Variants in MRPL19 observed in about 807,000 individuals in gnomAD.
MRPL19 encodes mitochondrial ribosomal protein L19.
In MRPL19, 31 loss-of-function variants were observed where a neutral mutation model predicts 34.0. The ratio of observed to expected loss-of-function variants is 0.91; its 90% CI spans 0.68 to 1.23. The LOEUF is 1.23. Ranked by LOEUF, MRPL19 falls within the 50% of genes most tolerant of loss-of-function variation. The pLI is 0.00. For synonymous variants in MRPL19, 152 were observed against 127.7 expected (o/e 1.19, Z -1.28); for missense variants, 384 against 367.6 (o/e 1.04, Z -0.37).
chr2:75,654,905 T>G lies in MRPL19; in HGVS notation c.645T>G (p.Val215=). 1.2e-6 allele frequency: 2 copies of G among 1,613,144 alleles called. No individual in the cohort carries two copies. The highest frequency in any genetic ancestry group is 2.2e-5 in the South Asian group (2 of 90,960). ...KPVVQEPNQK[V]PVNELKVKMK... is the part of the protein sequence containing the mutation. ...TAGTACAAGAGCCTAACCAAAAAGTTCCTGTTAATGAGGTATGGGTTATAC... is the reference window on the plus strand; with the variant it reads ...TAGTACAAGAGCCTAACCAAAAAGTGCCTGTTAATGAGGTATGGGTTATAC... Residue 215 remains valine, a synonymous_variant, in exon 5 of 6, where the codon GTT becomes GTG. Coordinates refer to ENST00000393909, the MANE Select transcript of MRPL19 (RefSeq NM_014763.4).
At chr2:75,654,522 T>C (rs1481816023) in intron 4 of MRPL19, among the ~76,000 whole-genome samples, 2 of 151,832 alleles carry the variant, frequency 1.3e-5, no homozygotes. Flanking sequence ...TAGACTATCA[T>C]TCCAATTCAG....
intron 2 of MRPL19, chr2:75,647,557 A>G (rs1229324729): frequency 9.5e-6 from 2 of 210,484 alleles, no homozygotes; most frequent in Admixed American, 1.1e-4. Context: ...TTTTCTCTCA[A>G]AAGACCCTTA....
At chr2:75,647,735 A>G (rs1166970620) in intron 2 of MRPL19, 1 of 152,514 alleles carries the variant, frequency 6.6e-6, no homozygotes, top group African/African-American at 2.4e-5. Flanking sequence ...TTGGAGGTAC[A>G]TGTAAATTTA....
In MRPL19 at chr2:75,652,094, A is replaced by G. The variant is rs775429900; in HGVS notation, c.222-48A>G. ...TTTGAAAAGCAACAATTTTTCTTCT[A>G]GCAGCCTTTTGAGTTTACTTTTAAT... On this transcript the variant is annotated intron_variant, in intron 2 of 5. Transcript: ENST00000393909. The G allele has an allele frequency of 2.7e-6, 3 of 1,129,476 alleles. No homozygotes were observed. In the South Asian group the frequency reaches 5.0e-5, roughly 19 times the overall value. 70.0% of individuals were successfully genotyped at this position (1,129,476 alleles called of 1,614,324 possible).
In MRPL19 at chr2:75,661,955, G is replaced by C. The variant is rs924286748; in HGVS notation, c.*6670G>C. The C allele has an allele frequency of 2.6e-5, 4 of 152,170 alleles. No individual in the cohort carries two copies. Among genetic ancestry groups the C allele is most frequent in the Non-Finnish European group, 4.4e-5 (3 of 68,030 alleles). The allele number at this position is 152,170 out of a possible 1,614,324, so 9.4% of individuals were successfully genotyped here. A position where few individuals can be genotyped will look rare whatever the true frequency, so the allele number is the denominator to read the frequency against. On this transcript the variant is annotated 3_prime_UTR_variant, in exon 6 of 6. Transcript: ENST00000393909. The stretch of plus-strand genomic sequence containing the variant: ...TATTTCACCATTATATATGATGTTA[G>C]GTATAGATTTTTCTCACAGATGCCT...
Position 75,655,863 on chromosome 2 carries a change from T to G in MRPL19, c.*578T>G, listed in dbSNP as rs1235927183. The G allele has an allele frequency of 7.3e-6, 1 of 137,360 alleles. No individual in the cohort carries two copies. Among genetic ancestry groups the G allele is most frequent in the African/African-American group, 3.0e-5 (1 of 33,106 alleles). 8.5% of individuals were successfully genotyped at this position (137,360 alleles called of 1,614,324 possible). On this transcript the variant is annotated 3_prime_UTR_variant, in exon 6 of 6. Transcript: ENST00000393909. ...AACACATATATTCTTCAACAATATA[T>G]TTAATTTTGAAAAACCTGAAAAAAA...
chr2:75,658,078 T>C lies in MRPL19; in HGVS notation c.*2793T>C, dbSNP rs528418016. Among the ~76,000 whole-genome samples, 4 of 152,180 alleles carry C rather than the reference T, an allele frequency of 2.6e-5. No homozygotes were observed. In the South Asian group the frequency reaches 8.3e-4, roughly 32 times the overall value. On this transcript the variant is annotated 3_prime_UTR_variant, in exon 6 of 6. Transcript: ENST00000393909. ...TCCCAACCCCAGGTAACCTCAAATC[T>C]TTCTTTTTATCTTTGAGACAAGGTC...
rs1026715782 is a variant in MRPL19 at position 75,647,239 on chromosome 2, C to G, written c.221+20C>G. 8 of 1,561,626 alleles carry G rather than the reference C, an allele frequency of 5.1e-6. No homozygotes were observed. The African/African-American group carries it at 9.5e-5, about 19-fold the overall frequency. ...ACGCAGGTGAGGCACTGCCCTGGCG[C>G]TAGGCCGGCAACTGGGGTCGGTGCG... On this transcript the variant is annotated intron_variant, in intron 2 of 5. Transcript: ENST00000393909.
At chr2:75,647,842 G>C (rs1338536486) in intron 2 of MRPL19, 2 of 151,790 alleles carry the variant, frequency 1.3e-5, no homozygotes, top group East Asian at 3.9e-4. Flanking sequence ...TTTTTGAAAG[G>C]GCTGTAGATT....
rs1018794311 is a variant in MRPL19 at position 75,659,993 on chromosome 2, T to G, written c.*4708T>G. On this transcript the variant is annotated 3_prime_UTR_variant, in exon 6 of 6. Coordinates refer to ENST00000393909, the MANE Select transcript of MRPL19 (RefSeq NM_014763.4). ...TCTTTTCCTTCTGAAATATTCTTAA[T>G]GTATATGTTGGTCTGTTTGATGCTG... Among the ~76,000 whole-genome samples, 2 of 152,162 alleles carry G rather than the reference T, an allele frequency of 1.3e-5. No homozygotes were observed. Among genetic ancestry groups the G allele is most frequent in the Non-Finnish European group, 2.9e-5 (2 of 68,024 alleles).
chr2:75,656,804 G>A lies in MRPL19; in HGVS notation c.*1519G>A, dbSNP rs1296579619. ...ATAGTAACTCATTTCTGTCAGTTCTGGGAAACACTTAGCATTGGTTGATGA... is the reference window on the plus strand; with the variant it reads ...ATAGTAACTCATTTCTGTCAGTTCTAGGAAACACTTAGCATTGGTTGATGA... On this transcript the variant is annotated 3_prime_UTR_variant, in exon 6 of 6. Coordinates refer to ENST00000393909, the MANE Select transcript of MRPL19 (RefSeq NM_014763.4). The A allele has an allele frequency of 1.3e-5, 2 of 151,922 alleles. No individual in the cohort carries two copies. The highest frequency in any genetic ancestry group is 1.5e-5 in the Non-Finnish European group (1 of 67,954). The allele number at this position is 151,922 out of a possible 1,614,324, so 9.4% of individuals were successfully genotyped here. A position where few individuals can be genotyped will look rare whatever the true frequency, so the allele number is the denominator to read the frequency against.
In MRPL19 at chr2:75,660,411, G is replaced by T. The variant is rs1264508209; in HGVS notation, c.*5126G>T. On this transcript the variant is annotated 3_prime_UTR_variant, in exon 6 of 6. Coordinates refer to ENST00000393909, the MANE Select transcript of MRPL19 (RefSeq NM_014763.4). Reference sequence around the variant, plus strand: ...ATGAGCCATACTTTCCTGTGTCTTTGTATGCTGTCTTTTTGTTGTTGAAAA... The same window carrying T: ...ATGAGCCATACTTTCCTGTGTCTTTTTATGCTGTCTTTTTGTTGTTGAAAA... 1 of 152,020 alleles carries T rather than the reference G, an allele frequency of 6.6e-6. No homozygotes were observed. Among genetic ancestry groups the T allele is most frequent in the Admixed American group, 6.6e-5 (1 of 15,254 alleles). The allele number at this position is 152,020 out of a possible 1,614,324, so 9.4% of individuals were successfully genotyped here.
intron 3 of MRPL19, 36 bp from the exon 4 acceptor site, chr2:75,652,487 C>T: frequency 6.3e-7 from 1 of 1,599,814 alleles, no homozygotes; most frequent in East Asian, 2.2e-5. Flanking sequence ...GCTGGGTGTG[C>T]TGAAAAAAAA....
In MRPL19 at chr2:75,657,101, ATTGT is replaced by A. The variant is rs1236153971; in HGVS notation, c.*1820_*1823del. On this transcript the variant is annotated 3_prime_UTR_variant, in exon 6 of 6. Transcript: ENST00000393909. ...ATAGTGTATTTTTTTTTCATTTAAA[ATTGT>A]TTGCGCATCTATTTCCTCCAAATTT... The A allele has an allele frequency of 1.3e-5, 2 of 152,078 alleles. No homozygotes were observed. Among genetic ancestry groups the A allele is most frequent in the Admixed American group, 1.3e-4 (2 of 15,286 alleles). 9.4% of individuals were successfully genotyped at this position (152,078 alleles called of 1,614,324 possible).
At chr2:75,648,727 G>T (rs894383842) in intron 2 of MRPL19, among the ~76,000 whole-genome samples, 54 of 152,040 alleles carry the variant, frequency 3.6e-4, no homozygotes, top group Non-Finnish European at 6.2e-4. Flanking sequence ...AAATTAGCCA[G>T]GTGTGGTGGC....
In MRPL19 at chr2:75,646,815, C is replaced by T. The variant is rs765096573; in HGVS notation, c.8C>T (p.Ala3Val). MA[A>V]CIAAGHWAAM... ...TGACGTGAGCTAGCTGGCATGGCGG[C>T]CTGCATTGCAGCGGGGCACTGGGCT... The change falls in exon 1 of 6, where the codon GCC becomes GTC. Residue 3 changes from alanine to valine, a missense_variant. Physicochemically the swap from Ala to Val is moderately conservative, Grantham distance 64 (BLOSUM62 0). Coordinates refer to ENST00000393909, the MANE Select transcript of MRPL19 (RefSeq NM_014763.4). The T allele has an allele frequency of 2.0e-5, 30 of 1,532,202 alleles. No homozygotes were observed. Among genetic ancestry groups the T allele is most frequent in the Non-Finnish European group, 2.4e-5 (27 of 1,138,688 alleles). 94.9% of individuals were successfully genotyped at this position (1,532,202 alleles called of 1,614,324 possible). A position where few individuals can be genotyped will look rare whatever the true frequency, so the allele number is the denominator to read the frequency against.
At chr2:75,649,238 T>C (rs375609199) in intron 2 of MRPL19, among the ~76,000 whole-genome samples, 1 of 152,224 alleles carries the variant, frequency 6.6e-6, no homozygotes, top group African/African-American at 2.4e-5. Context: ...TGAAGCTTGA[T>C]TGTATTTTGA....
rs760109411 is a variant in MRPL19 at position 75,646,799 on chromosome 2, C to G, written c.-9C>G. ...CTGGGAGCTGTAGTCTTGACGTGAGCTAGCTGGCATGGCGGCCTGCATTGC... is the reference window on the plus strand; with the variant it reads ...CTGGGAGCTGTAGTCTTGACGTGAGGTAGCTGGCATGGCGGCCTGCATTGC... On this transcript the variant is annotated 5_prime_UTR_variant, in exon 1 of 6. Coordinates refer to ENST00000393909, the MANE Select transcript of MRPL19 (RefSeq NM_014763.4). 4 of 1,502,908 alleles carry G rather than the reference C, an allele frequency of 2.7e-6. No homozygotes were observed. 93.1% of individuals were successfully genotyped at this position (1,502,908 alleles called of 1,614,324 possible). A position where few individuals can be genotyped will look rare whatever the true frequency, so the allele number is the denominator to read the frequency against.
Position 75,655,051 on chromosome 2 carries a change from T to TTA in MRPL19, c.658-13_658-12insTA. 1.5e-6 allele frequency: 2 copies of TTA among 1,304,318 alleles called. No homozygotes were observed. Among genetic ancestry groups the TTA allele is most frequent in the Non-Finnish European group, 2.1e-6 (2 of 957,942 alleles). 80.8% of individuals were successfully genotyped at this position (1,304,318 alleles called of 1,614,324 possible). A position where few individuals can be genotyped will look rare whatever the true frequency, so the allele number is the denominator to read the frequency against. ...ATTGCTTTTTTTTTTTTTTTTTTTT[T>TTA]AATCTTCCTTAGCTGAAAGTAAAAA... On this transcript the variant is annotated splice_polypyrimidine_tract_variant and intron_variant, in intron 5 of 5. Transcript: ENST00000393909.
Sources: gnomAD v4.1 joint callset for allele counts (sites outside exome capture counted in the v4.1 genomes callset) on GRCh38, gnomAD v4.1.1 for gene constraint, MANE v1.5 for transcripts, NCBI Gene and HGNC (gene_info 2026-07-23, HGNC 2026-07-21) for gene names.